Variants in KCNK2 observed in about 807,000 individuals in gnomAD.
The protein encoded by KCNK2 is potassium two pore domain channel subfamily K member 2, also known as potassium channel subfamily K member 2.
Under a neutral mutation model 40.5 loss-of-function variants are expected in KCNK2, and 21 were observed. That is an observed-to-expected ratio of 0.52 (90% CI 0.37 to 0.75). The LOEUF (loss-of-function observed/expected upper bound fraction) is 0.75, where lower values mean the gene tolerates loss of function less well. Ranked by LOEUF, KCNK2 falls within the 30% of genes least tolerant of loss-of-function variation. The pLI is 0.00. For missense variants in KCNK2, 399 were observed against 531.6 expected (o/e 0.75, Z 2.45); for synonymous variants, 191 against 202.2 (o/e 0.94, Z 0.47).
intron 1 of KCNK2, among the ~76,000 whole-genome samples, chr1:215,011,070 G>A (rs2601647): frequency 0.15 from 23,175 of 150,644 alleles, 3,230 homozygotes; most frequent in African/African-American, 0.37. Context: ...TTTTTTGTGC[G>A]TATAGTTCTA....
intron 6 of KCNK2, among the ~76,000 whole-genome samples, chr1:215,222,946 T>G (rs577421599): frequency 1.3e-5 from 2 of 152,116 alleles, no homozygotes; most frequent in South Asian, 4.1e-4. Flanking sequence ...TGTTTTTAAC[T>G]CAGCTACTTT....
At chr1:215,068,327 T>C (rs1015063695) in intron 1 of KCNK2, among the ~76,000 whole-genome samples, 4 of 152,076 alleles carry the variant, frequency 2.6e-5, no homozygotes, top group African/African-American at 9.7e-5. Context: ...AATATGCAGG[T>C]ACAGTATATG....
rs529609349 is a variant in KCNK2 at position 215,124,146 on chromosome 1, CT to C, written c.358-484del. On this transcript the variant is annotated intron_variant, in intron 2 of 6. Coordinates refer to ENST00000444842, the MANE Select transcript of KCNK2 (RefSeq NM_001017425.3). The stretch of plus-strand genomic sequence containing the variant: ...TTCATCTTAAGTTGTTTTGCTAGCT[CT>C]TTATGATATAGGCTTGGTACAGTTA... Among the ~76,000 whole-genome samples the C allele has an allele frequency of 7.9e-5, 12 of 152,230 alleles. No homozygotes were observed. In the South Asian group the frequency reaches 2.5e-3, roughly 32 times the overall value.
chr1:215,153,307 A>C (rs886139468), intron 3 of KCNK2, among the ~76,000 whole-genome samples: 2 of 152,156 alleles, frequency 1.3e-5, no homozygotes, highest in African/African-American at 4.8e-5. Context: ...AACTAGGTAT[A>C]TTCTTAAGTC....
At chr1:215,007,181 G>GTATA (rs1656198065) in intron 1 of KCNK2, among the ~76,000 whole-genome samples, 4 of 64,434 alleles carry the variant, frequency 6.2e-5, no homozygotes, top group South Asian at 1.3e-3. Context: ...ATGTATGTGT[G>GTATA]TGGGTATATA....
At position 215,086,420 on chromosome 1, in the gene KCNK2, G is replaced by A. The variant is rs781109841; in HGVS notation, c.99G>A (p.Pro33=). 2.5e-6 allele frequency: 4 copies of A among 1,614,148 alleles called. No homozygotes were observed. The highest frequency in any genetic ancestry group is 2.5e-6 in the Non-Finnish European group (3 of 1,180,022). Residue 33 remains proline (P), a synonymous_variant, in exon 2 of 7, where the codon CCG becomes CCA. Transcript: ENST00000444842. The part of the protein sequence containing the change: ...DPKSAAQNSK[P]RLSFSTKPTV... The stretch of plus-strand genomic sequence containing the variant: ...AATCTGCCGCTCAGAACTCCAAACC[G>A]AGGCTCTCGTTTTCCACGAAACCCA...
Position 215,234,734 on chromosome 1 carries a change from T to TA in KCNK2, c.964-90dup. On this transcript the variant is annotated intron_variant, in intron 6 of 6. Transcript: ENST00000444842. ...TAAAAGACTACTCCACTCTTCTTTT[T>TA]AAAATCCCAAAATAAAATGAACTGA... The TA allele has an allele frequency of 3.1e-6, 4 of 1,275,438 alleles. No individual in the cohort carries two copies. The South Asian group carries it at 5.8e-5, about 18-fold the overall frequency. 79.0% of individuals were successfully genotyped at this position (1,275,438 alleles called of 1,614,324 possible). A position where few individuals can be genotyped will look rare whatever the true frequency, so the allele number is the denominator to read the frequency against.
At chr1:215,049,033 T>C (rs569070688) in intron 1 of KCNK2, among the ~76,000 whole-genome samples, 1 of 152,272 alleles carries the variant, frequency 6.6e-6, no homozygotes, top group South Asian at 2.1e-4. Flanking sequence ...AATTGCTGGG[T>C]CTTAGGATCA....
chr1:215,019,396 C>T (rs996563924), intron 1 of KCNK2, among the ~76,000 whole-genome samples: 2 of 152,206 alleles, frequency 1.3e-5, no homozygotes, highest in African/African-American at 4.8e-5. Context: ...GAGTTATTCT[C>T]CCCTAGAGAA....
At chr1:215,230,108 C>T (rs865933135) in intron 6 of KCNK2, among the ~76,000 whole-genome samples, 1,868 of 146,712 alleles carry the variant, frequency 0.013, 53 homozygotes, top group African/African-American at 0.045. Context: ...CACACACACA[C>T]ACACACACAC....
chr1:215,067,273 T>A (rs1658587221), intron 1 of KCNK2, among the ~76,000 whole-genome samples: 1 of 152,186 alleles, frequency 6.6e-6, no homozygotes, highest in Admixed American at 6.5e-5. Flanking sequence ...TCCCATTAAG[T>A]ATGTACAATT....
chr1:215,033,532 G>A (rs75463476), intron 1 of KCNK2, among the ~76,000 whole-genome samples: 1,531 of 152,234 alleles, frequency 0.01, 26 homozygotes, highest in South Asian at 0.073. Context: ...GGGAGGAGAA[G>A]TGTTTTACAT....
chr1:215,086,281 C>A, intron 1 of KCNK2, 87 bp from the exon 2 acceptor site: 1 of 1,106,692 alleles, frequency 9.0e-7, no homozygotes, highest in Non-Finnish European at 1.3e-6. Flanking sequence ...GGAATTCAAT[C>A]AACCTTCTCT....
chr1:215,187,401 A>G (rs1664484778), intron 5 of KCNK2, among the ~76,000 whole-genome samples: 1 of 152,164 alleles, frequency 6.6e-6, no homozygotes, highest in Non-Finnish European at 1.5e-5. Flanking sequence ...GTGATAAGTT[A>G]AGTCATGCTT....
intron 1 of KCNK2, among the ~76,000 whole-genome samples, chr1:215,035,054 T>G (rs969220040): frequency 6.6e-6 from 1 of 152,094 alleles, no homozygotes; most frequent in Non-Finnish European, 1.5e-5. Context: ...AGTTTCAAAT[T>G]TGCTAACTCC....
At chr1:215,159,395 T>C (rs1663089550) in intron 3 of KCNK2, among the ~76,000 whole-genome samples, 1 of 152,184 alleles carries the variant, frequency 6.6e-6, no homozygotes, top group African/African-American at 2.4e-5. Flanking sequence ...TTTCTGAAGC[T>C]GTGTTCCATT....
chr1:215,026,322 T>C (rs181986187), intron 1 of KCNK2, among the ~76,000 whole-genome samples: 1 of 152,184 alleles, frequency 6.6e-6, no homozygotes, highest in African/African-American at 2.4e-5. Flanking sequence ...TTATTAATAG[T>C]ATCTTCTGCT....
intron 3 of KCNK2, among the ~76,000 whole-genome samples, 175 bp downstream of exon 3, chr1:215,124,925 A>G (rs1014907075): frequency 6.6e-6 from 1 of 152,232 alleles, no homozygotes; most frequent in East Asian, 1.9e-4. Context: ...AATAATGGAA[A>G]TGAATTAGTT....
intron 1 of KCNK2, among the ~76,000 whole-genome samples, chr1:215,061,988 A>G (rs1038312687): frequency 3.3e-5 from 5 of 152,126 alleles, no homozygotes; most frequent in Admixed American, 6.6e-5. Flanking sequence ...ACAGCCTCTA[A>G]ATTCTAAAAA....
Sources: gnomAD v4.1 joint callset for allele counts (sites outside exome capture counted in the v4.1 genomes callset) on GRCh38, gnomAD v4.1.1 for gene constraint, MANE v1.5 for transcripts, NCBI Gene and HGNC (gene_info 2026-07-23, HGNC 2026-07-21) for gene names.